MFN1: variants seen among roughly 807,000 people sequenced by gnomAD.
The protein encoded by MFN1 is mitofusin-1.
In MFN1, 65 loss-of-function variants were observed where a neutral mutation model predicts 92.4. The ratio of observed to expected loss-of-function variants is 0.70; its 90% CI spans 0.58 to 0.86. The LOEUF (loss-of-function observed/expected upper bound fraction) is 0.86, where lower values mean the gene tolerates loss of function less well. Ranked by LOEUF, MFN1 falls within the 40% of genes least tolerant of loss-of-function variation. MFN1 has a pLI of 0.00. For synonymous variants in MFN1, 297 were observed against 300.9 expected (o/e 0.99, Z 0.13); for missense variants, 781 against 868.0 (o/e 0.90, Z 1.26).
chr3:179,363,928 C>T (rs1712683102), intron 5 of MFN1, among the ~76,000 whole-genome samples: 2 of 151,962 alleles, frequency 1.3e-5, no homozygotes, highest in African/African-American at 4.8e-5. Flanking sequence ...TTATTGTTGG[C>T]AAATTCTTCA....
Position 179,378,727 on chromosome 3 carries a change from C to G in MFN1, c.1575C>G (p.Ser525=). ...AAGAGGATATTGTATTTCGTTTTTC[C>G]CTGGGCTGGTCTTCCCTTGTACATC... is the stretch of plus-strand genomic sequence containing the variant. ...DFQEDIVFRF[S]LGWSSLVHRF... The change falls in exon 14 of 18, where the codon TCC becomes TCG. Residue 525 remains serine, a synonymous_variant. Transcript: ENST00000471841. 1 of 1,613,922 alleles carries G rather than the reference C, an allele frequency of 6.2e-7. No homozygotes were observed. The highest frequency in any genetic ancestry group is 8.5e-7 in the Non-Finnish European group (1 of 1,179,928).
chr3:179,386,778 A>C, intron 16 of MFN1, 149 bp downstream of exon 16: 1 of 693,018 alleles, frequency 1.4e-6, no homozygotes, highest in East Asian at 2.8e-5. Flanking sequence ...AAATAGAACA[A>C]TACTAAACCT....
At chr3:179,379,120 A>C (rs1290808856) in intron 14 of MFN1, among the ~76,000 whole-genome samples, 1 of 151,814 alleles carries the variant, frequency 6.6e-6, no homozygotes, top group Non-Finnish European at 1.5e-5. Context: ...CAAGGGAAAA[A>C]AGACTCAGCC....
At position 179,359,060 on chromosome 3, in the gene MFN1, C is replaced by G. The variant is rs374786896; in HGVS notation, c.411+58C>G. 4.5e-3 allele frequency: 6,454 copies of G among 1,445,476 alleles called. 82 individuals are homozygous for G. Among genetic ancestry groups the G allele is most frequent in the South Asian group, 0.032 (1,912 of 60,318 alleles). The allele number at this position is 1,445,476 out of a possible 1,614,324, so 89.5% of individuals were successfully genotyped here. ...CCTGAAACAATGTCCTGAACTTATT[C>G]TTTAATAACATTTTTATAAGATGTC... On this transcript the variant is annotated intron_variant, in intron 4 of 17. Coordinates refer to ENST00000471841, the MANE Select transcript of MFN1 (RefSeq NM_033540.3).
chr3:179,385,951 C>T (rs1713671287), intron 15 of MFN1, among the ~76,000 whole-genome samples: 1 of 152,174 alleles, frequency 6.6e-6, no homozygotes, highest in South Asian at 2.1e-4. Context: ...GTCTTTAATA[C>T]TTCCTAAGCA....
In MFN1 at chr3:179,384,838, A is replaced by G. The variant is rs114956117; in HGVS notation, c.1663-731A>G. ...GCATAAGTCACTGCACCCAGCCCCA[A>G]ATATATTTCTCTTGCCTGTGGCTGT... On this transcript the variant is annotated intron_variant, in intron 14 of 17. Coordinates refer to ENST00000471841, the MANE Select transcript of MFN1 (RefSeq NM_033540.3). Among the ~76,000 whole-genome samples the G allele has an allele frequency of 2.1e-3, 321 of 151,754 alleles. 2 individuals are homozygous for G. Among genetic ancestry groups the G allele is most frequent in the African/African-American group, 7.0e-3 (289 of 41,368 alleles).
At chr3:179,373,330 G>C (rs372996115) in intron 9 of MFN1, among the ~76,000 whole-genome samples, 6 of 152,172 alleles carry the variant, frequency 3.9e-5, no homozygotes, top group Admixed American at 3.9e-4. Flanking sequence ...GAATGCACGT[G>C]TAGCATCCTG....
At chr3:179,369,495 G>A (rs929906900) in intron 9 of MFN1, among the ~76,000 whole-genome samples, 2 of 152,060 alleles carry the variant, frequency 1.3e-5, no homozygotes, top group Admixed American at 6.5e-5. Context: ...ATGTATAATT[G>A]TGTAATGTTC....
intron 3 of MFN1, among the ~76,000 whole-genome samples, chr3:179,356,923 TGGG>T (rs552060862): frequency 6.6e-6 from 1 of 151,968 alleles, no homozygotes; most frequent in South Asian, 2.1e-4. Context: ...AATGAGGAGA[TGGG>T]GGGGAACCTT....
rs751656949 is a variant in MFN1 at position 179,365,074 on chromosome 3, G to A, written c.646-44G>A. ...TTAAAATAAAATTTCAATTATAAATGTAAATTATAGTGAATGTACTGTGGG... is the reference window on the plus strand; with the variant it reads ...TTAAAATAAAATTTCAATTATAAATATAAATTATAGTGAATGTACTGTGGG... On this transcript the variant is annotated intron_variant, in intron 6 of 17. Transcript: ENST00000471841. 2.8e-6 allele frequency: 3 copies of A among 1,080,860 alleles called. No individual in the cohort carries two copies. The South Asian group carries it at 5.2e-5, about 19-fold the overall frequency. The allele number at this position is 1,080,860 out of a possible 1,614,324, so 67.0% of individuals were successfully genotyped here.
intron 5 of MFN1, among the ~76,000 whole-genome samples, chr3:179,363,390 A>C (rs991063166): frequency 1.3e-5 from 2 of 152,188 alleles, no homozygotes; most frequent in African/African-American, 4.8e-5. Flanking sequence ...CTGGCTGAAT[A>C]ACAATTTAAT....
chr3:179,377,955 G>A (rs531067644), intron 12 of MFN1, among the ~76,000 whole-genome samples: 58 of 152,226 alleles, frequency 3.8e-4, no homozygotes, highest in Middle Eastern at 3.4e-3. Flanking sequence ...AGCTACTCTG[G>A]AGGCTGAGGC....
Position 179,381,803 on chromosome 3 carries a change from T to C in MFN1, c.1662+2989T>C, listed in dbSNP as rs188141723. 2.1e-4 allele frequency among the ~76,000 whole-genome samples: 32 copies of C among 152,346 alleles called. No homozygotes were observed. In the East Asian group the frequency reaches 5.6e-3, roughly 27 times the overall value. On this transcript the variant is annotated intron_variant, in intron 14 of 17. Coordinates refer to ENST00000471841, the MANE Select transcript of MFN1 (RefSeq NM_033540.3). ...TATGAAGCATAAATGAATTTTGTGT[T>C]TGGACTTGGGTCCCATCCTCAAGAT...
Position 179,385,558 on chromosome 3 carries a change from T to TC in MFN1, c.1663-11_1663-10insC, listed in dbSNP as rs1360630159. On this transcript the variant is annotated splice_polypyrimidine_tract_variant and intron_variant, in intron 14 of 17. Transcript: ENST00000471841. ...GTGTAATCTTTTTTCCTTTCTCTTT[T>TC]TTTTTGGCAGCTCCCTAGATCTTTA... 1 of 1,570,316 alleles carries TC rather than the reference T, an allele frequency of 6.4e-7. No homozygotes were observed. The highest frequency in any genetic ancestry group is 8.6e-7 in the Non-Finnish European group (1 of 1,167,240).
intron 17 of MFN1, among the ~76,000 whole-genome samples, chr3:179,390,782 C>A (rs1181197367): frequency 6.6e-6 from 1 of 152,148 alleles, no homozygotes; most frequent in African/African-American, 2.4e-5. Context: ...CTCATTTAGT[C>A]CCTGCTGTTA....
intron 10 of MFN1, among the ~76,000 whole-genome samples, chr3:179,376,055 G>A (rs893935047): frequency 1.3e-5 from 2 of 152,166 alleles, no homozygotes; most frequent in Non-Finnish European, 2.9e-5. Context: ...AAACATAAAC[G>A]CATCAAAGCT....
chr3:179,386,426 C>A lies in MFN1; in HGVS notation c.1816-7C>A. On this transcript the variant is annotated splice_polypyrimidine_tract_variant and splice_region_variant and intron_variant, in intron 15 of 17. Coordinates refer to ENST00000471841, the MANE Select transcript of MFN1 (RefSeq NM_033540.3). ...TTCTCAGACTAAGCTATGACTTTAT[C>A]TTACAGATTTGGAAAACTATAGGCT... is the stretch of plus-strand genomic sequence containing the variant. 3 of 1,608,522 alleles carry A rather than the reference C, an allele frequency of 1.9e-6. No individual in the cohort carries two copies. Among genetic ancestry groups the A allele is most frequent in the Non-Finnish European group, 2.5e-6 (3 of 1,178,010 alleles).
intron 2 of MFN1, among the ~76,000 whole-genome samples, chr3:179,349,699 A>G (rs937206848): frequency 6.6e-6 from 1 of 151,924 alleles, no homozygotes; most frequent in African/African-American, 2.4e-5. Flanking sequence ...TAGTAGAGAC[A>G]GGGTTTCACC....
intron 3 of MFN1, 89 bp from the exon 4 acceptor site, chr3:179,358,751 G>T (rs746339745): frequency 1.6e-5 from 22 of 1,368,588 alleles, no homozygotes; most frequent in Admixed American, 4.7e-5. Flanking sequence ...ACAAAATTTG[G>T]ATTTTAAAAA....
Sources: allele counts gnomAD v4.1 joint callset (sites outside exome capture counted in the v4.1 genomes callset), GRCh38; gene constraint gnomAD v4.1.1; transcripts MANE v1.5; gene names NCBI Gene and HGNC (gene_info 2026-07-23, HGNC 2026-07-21).